FMO2: variants seen among roughly 807,000 people sequenced by gnomAD.
FMO2 encodes the protein flavin-containing monooxygenase 2.
FMO2 carries 33 observed loss-of-function variants against 41.6 expected under a neutral mutation model. The ratio of observed to expected loss-of-function variants is 0.79; its 90% CI spans 0.60 to 1.06. The LOEUF is 1.06. Ranked by LOEUF, FMO2 falls within the 50% of genes least tolerant of loss-of-function variation. The pLI, the probability that FMO2 is intolerant of heterozygous loss-of-function variation, is 0.00. For synonymous variants in FMO2, 214 were observed against 219.6 expected (o/e 0.97, Z 0.23); for missense variants, 619 against 632.9 (o/e 0.98, Z 0.23).
chr1:171,190,515 A>C (rs533659865), intron 2 of FMO2, among the ~76,000 whole-genome samples: 1 of 152,332 alleles, frequency 6.6e-6, no homozygotes, highest in South Asian at 2.1e-4. Context: ...CTTGATTGAC[A>C]ATAAACCCTC....
chr1:171,206,465 T>C (rs970914032), intron 7 of FMO2, among the ~76,000 whole-genome samples: 1 of 152,172 alleles, frequency 6.6e-6, no homozygotes, highest in Non-Finnish European at 1.5e-5. Flanking sequence ...CAGAGAGAGA[T>C]GAGCCATTAC....
Position 171,199,356 on chromosome 1 carries a change from G to T in FMO2, c.495G>T (p.Arg165Ser). ...TTCTTCCCCCTGAAGGTATGGAGAG[G>T]TTCAAAGGCCAATATTTCCATAGCC... Reference protein sequence around the residue: ...IPLKSFPGMERFKGQYFHSRQ... With the variant: ...IPLKSFPGMESFKGQYFHSRQ... The change falls in exon 5 of 9, where the codon AGG becomes AGT. Residue 165 changes from arginine (R) to serine (S), a missense_variant. Arg to Ser is a moderately radical substitution (Grantham distance 110). Transcript: ENST00000209929. The T allele has an allele frequency of 6.2e-7, 1 of 1,607,400 alleles. No individual in the cohort carries two copies. The highest frequency in any genetic ancestry group is 8.5e-7 in the Non-Finnish European group (1 of 1,177,038).
chr1:171,188,565 A>G (rs1657948349), intron 2 of FMO2, among the ~76,000 whole-genome samples: 2 of 152,216 alleles, frequency 1.3e-5, no homozygotes, highest in South Asian at 2.1e-4. Flanking sequence ...GGCTGCCTGC[A>G]CTACGGCTAT....
At chr1:171,204,471 C>T (rs1190328370) in intron 6 of FMO2, among the ~76,000 whole-genome samples, 1 of 152,172 alleles carries the variant, frequency 6.6e-6, no homozygotes. Context: ...TTTGAAAACA[C>T]ATTCCTTTTT....
chr1:171,193,785 T>TC (rs1286466851), intron 3 of FMO2, among the ~76,000 whole-genome samples: 1 of 126,736 alleles, frequency 7.9e-6, no homozygotes, highest in Non-Finnish European at 1.6e-5. Context: ...ACTTTTTTTT[T>TC]TTTTTTCTCC....
intron 7 of FMO2, among the ~76,000 whole-genome samples, chr1:171,206,113 G>A (rs984276346): frequency 5.3e-5 from 8 of 152,100 alleles, no homozygotes; most frequent in South Asian, 2.1e-4. Context: ...TCCTCAGAAC[G>A]GTGTTACCTC....
At chr1:171,191,013 C>G (rs1384064039) in intron 2 of FMO2, among the ~76,000 whole-genome samples, 1 of 151,922 alleles carries the variant, frequency 6.6e-6, no homozygotes, top group Non-Finnish European at 1.5e-5. Context: ...GGCATGGTGG[C>G]GCATACCTGT....
chr1:171,191,697 C>T (rs953873590), intron 2 of FMO2, among the ~76,000 whole-genome samples: 4 of 151,734 alleles, frequency 2.6e-5, no homozygotes, highest in African/African-American at 9.7e-5. Flanking sequence ...GACTCCAGAA[C>T]CCTCCTATTT....
chr1:171,193,376 C>T lies in FMO2; in HGVS notation c.174C>T (p.Val58=), dbSNP rs959816718. 5.0e-6 allele frequency: 8 copies of T among 1,612,606 alleles called. No homozygotes were observed. The highest frequency in any genetic ancestry group is 5.9e-6 in the Non-Finnish European group (7 of 1,179,156). The change falls in exon 3 of 9, where the codon GTC becomes GTT. Residue 58 remains valine, a synonymous_variant. Transcript: ENST00000209929. ...GCCGAGCAAGTATCTATCAATCTGT[C>T]GTTACCAACACCAGCAAAGAAATGT... is the stretch of plus-strand genomic sequence containing the variant. ...EDGRASIYQS[V]VTNTSKEMSC... is the part of the protein sequence containing the mutation.
intron 2 of FMO2, among the ~76,000 whole-genome samples, chr1:171,192,074 A>AT (rs910080898): frequency 6.6e-6 from 1 of 151,774 alleles, no homozygotes; most frequent in Non-Finnish European, 1.5e-5. Context: ...AAAAAATAGT[A>AT]TTTTTTTCTT....
chr1:171,185,985 G>A, intron 2 of FMO2, 140 bp downstream of exon 2: 2 of 923,858 alleles, frequency 2.2e-6, no homozygotes, highest in African/African-American at 3.3e-5. Context: ...GGCCATAATG[G>A]AACTGAAGTC....
At chr1:171,194,362 C>T (rs1463776869) in intron 3 of FMO2, among the ~76,000 whole-genome samples, 1 of 152,130 alleles carries the variant, frequency 6.6e-6, no homozygotes, top group African/African-American at 2.4e-5. Flanking sequence ...CCTGTGCTTC[C>T]TCAAAATCAA....
chr1:171,199,786 C>T (rs189210464), intron 5 of FMO2, among the ~76,000 whole-genome samples: 5 of 152,258 alleles, frequency 3.3e-5, no homozygotes, highest in Middle Eastern at 3.4e-3. Context: ...ATCAACATGG[C>T]TCACTGCAGC....
chr1:171,197,399 AC>A (rs1261976055), intron 4 of FMO2, among the ~76,000 whole-genome samples: 2 of 152,118 alleles, frequency 1.3e-5, no homozygotes, highest in East Asian at 3.9e-4. Context: ...CTGGAGACCT[AC>A]CCCCAAAGAT....
In FMO2 at chr1:171,209,024, T is replaced by C; in HGVS notation, c.1487T>C (p.Leu496Pro). 3 of 1,436,912 alleles carry C rather than the reference T, an allele frequency of 2.1e-6. No homozygotes were observed. The highest frequency in any genetic ancestry group is 2.9e-6 in the Non-Finnish European group (3 of 1,039,326). 89.0% of individuals were successfully genotyped at this position (1,436,912 alleles called of 1,614,324 possible). A position where few individuals can be genotyped will look rare whatever the true frequency, so the allele number is the denominator to read the frequency against. ...NAIFTQKQRILKPLKTRALKD... is the reference protein window; with the variant it reads ...NAIFTQKQRIPKPLKTRALKD... ...ATCTTCACCCAGAAACAAAGAATAC[T>C]GAAGCCACTCAAGACTCGGGCCCTG... Residue 496 changes from leucine to proline, a missense_variant, in exon 9 of 9, where the codon CTG becomes CCG. Coordinates refer to ENST00000209929, the MANE Select transcript of FMO2 (RefSeq NM_001460.5).
chr1:171,199,158 C>A (rs959585734), intron 4 of FMO2, 188 bp from the exon 5 acceptor site: 13 of 471,488 alleles, frequency 2.8e-5, no homozygotes, highest in Admixed American at 1.6e-4. Context: ...CTAGGCCTCC[C>A]AAAGGGCTGG....
intron 2 of FMO2, among the ~76,000 whole-genome samples, chr1:171,187,864 C>A (rs1033481135): frequency 1.4e-4 from 21 of 152,064 alleles, no homozygotes; most frequent in African/African-American, 4.8e-4. Flanking sequence ...AGACGGGTAG[C>A]TTTGCAAAAA....
At chr1:171,186,517 A>T (rs1657855032) in intron 2 of FMO2, among the ~76,000 whole-genome samples, 1 of 152,128 alleles carries the variant, frequency 6.6e-6, no homozygotes, top group African/African-American at 2.4e-5. Flanking sequence ...TGGCAGTGGG[A>T]AAGAGAGGTG....
Position 171,212,152 on chromosome 1 carries a change from A to T in FMO2, c.*3007A>T, listed in dbSNP as rs1223642449. ...TTATGTGTTTGAAACTTGCAATAGT[A>T]TTGGGAGATGGGGCCTAATGAGGTG... is the stretch of plus-strand genomic sequence containing the variant. On this transcript the variant is annotated 3_prime_UTR_variant, in exon 9 of 9. Coordinates refer to ENST00000209929, the MANE Select transcript of FMO2 (RefSeq NM_001460.5). 6.6e-6 allele frequency among the ~76,000 whole-genome samples: 1 copy of T among 152,178 alleles called. No homozygotes were observed. The highest frequency in any genetic ancestry group is 2.4e-5 in the African/African-American group (1 of 41,444).
Sources: allele counts gnomAD v4.1 joint callset (sites outside exome capture counted in the v4.1 genomes callset), GRCh38; gene constraint gnomAD v4.1.1; transcripts MANE v1.5; gene names NCBI Gene and HGNC (gene_info 2026-07-23, HGNC 2026-07-21).